Variants in PIGG observed in about 807,000 individuals in gnomAD.
PIGG encodes GPI ethanolamine phosphate transferase 2, catalytic subunit.
In PIGG, 70 loss-of-function variants were observed where a neutral mutation model predicts 83.2. That is an observed-to-expected ratio of 0.84 (90% CI 0.69 to 1.03). The LOEUF (loss-of-function observed/expected upper bound fraction) is 1.03, where lower values mean the gene tolerates loss of function less well. Among genes scored for constraint, PIGG ranks in the 50% least tolerant of loss-of-function variants. The pLI is 0.00. For synonymous variants in PIGG, 532 were observed against 519.5 expected, an observed-to-expected ratio of 1.02 and a Z score of -0.33; for missense variants, 1,257 against 1,233.6, an observed-to-expected ratio of 1.02 and a Z score of -0.28.
chr4:539,634 T>A lies in PIGG; in HGVS notation c.*265T>A. On this transcript the variant is annotated 3_prime_UTR_variant, in exon 13 of 13. Transcript: ENST00000453061. ...TGTGACCCAAATATGTGTGTTTAAA[T>A]CAATGAATGAAAAGGTTCTGGACTT... The A allele has an allele frequency of 2.7e-6, 1 of 368,278 alleles. No homozygotes were observed. The highest frequency in any genetic ancestry group is 3.9e-5 in the South Asian group (1 of 25,952). The allele number at this position is 368,278 out of a possible 1,614,324, so 22.8% of individuals were successfully genotyped here.
At position 528,606 on chromosome 4, in the gene PIGG, A is replaced by T; in HGVS notation, c.2261+1376A>T. 1 of 985,358 alleles carries T rather than the reference A, an allele frequency of 1.0e-6. No homozygotes were observed. Among genetic ancestry groups the T allele is most frequent in the Non-Finnish European group, 1.2e-6 (1 of 829,912 alleles). 61.0% of individuals were successfully genotyped at this position (985,358 alleles called of 1,614,324 possible). On this transcript the variant is annotated intron_variant, in intron 10 of 12. Coordinates refer to ENST00000453061, the MANE Select transcript of PIGG (RefSeq NM_001127178.3). The surrounding 1 kb of genome is among the most constrained non-coding windows in gnomAD (Gnocchi z 4.8). ...CAGGTACCAGCGGTGTTCTGTGGAG[A>T]TGTCTCAAAGGCTGTTGACTTTGGA...
Position 540,126 on chromosome 4 carries a change from T to A in PIGG, c.*757T>A, listed in dbSNP as rs1731660788. On this transcript the variant is annotated 3_prime_UTR_variant, in exon 13 of 13. Coordinates refer to ENST00000453061, the MANE Select transcript of PIGG (RefSeq NM_001127178.3). ...CTGCAGTGAGCCATGATTGTACCACTGTACTCCAGCCAGGACAACAGAGTG... is the reference window on the plus strand; with the variant it reads ...CTGCAGTGAGCCATGATTGTACCACAGTACTCCAGCCAGGACAACAGAGTG... 2.0e-5 allele frequency: 3 copies of A among 152,254 alleles called. No homozygotes were observed. The highest frequency in any genetic ancestry group is 2.0e-4 in the Admixed American group (3 of 15,290). The allele number at this position is 152,254 out of a possible 1,614,324, so 9.4% of individuals were successfully genotyped here.
rs561293197 is a variant in PIGG at position 500,423 on chromosome 4, C to G, written c.182C>G (p.Pro61Arg). 3.7e-6 allele frequency: 6 copies of G among 1,613,868 alleles called. No individual in the cohort carries two copies. The African/African-American group carries it at 8.0e-5, about 22-fold the overall frequency. Residue 61 changes from proline (P) to arginine (R), a missense_variant, in exon 2 of 13, where the codon CCA becomes CGA. By Grantham distance (103) the Pro-to-Arg change is moderately radical. Transcript: ENST00000453061. Reference sequence around the variant, plus strand: ...GCCAGTTCTAACTGGACCACGCTGCCACCACCTCTCTTCAGTAAAGTTGTT... The same window carrying G: ...GCCAGTTCTAACTGGACCACGCTGCGACCACCTCTCTTCAGTAAAGTTGTT... The part of the protein sequence containing the change: ...AGASSNWTTL[P>R]PPLFSKVVIV...
chr4:515,871 G>A lies in PIGG; in HGVS notation c.902-102G>A, dbSNP rs553207037. ...TCTGTGTTGAGTGGTGTGAAGAGAC[G>A]GATCATTTGGCTCATGTTAGTTGTA... On this transcript the variant is annotated intron_variant, in intron 5 of 12. Transcript: ENST00000453061. This position sits in a 1 kb window ranked among gnomAD's most constrained non-coding sequence, Gnocchi z 4.2. The A allele has an allele frequency of 6.9e-6, 6 of 867,524 alleles. No individual in the cohort carries two copies. Among genetic ancestry groups the A allele is most frequent in the Middle Eastern group, 2.2e-4 (1 of 4,510 alleles). 53.7% of individuals were successfully genotyped at this position (867,524 alleles called of 1,614,324 possible). A position where few individuals can be genotyped will look rare whatever the true frequency, so the allele number is the denominator to read the frequency against.
intron 6 of PIGG, among the ~76,000 whole-genome samples, chr4:518,794 A>G (rs903740441): frequency 3.9e-5 from 6 of 152,048 alleles, no homozygotes; most frequent in African/African-American, 1.2e-4. Flanking sequence ...CCCATTGTCT[A>G]CACCGTCGGG....
Position 523,647 on chromosome 4 carries a change from T to A in PIGG, c.1803T>A (p.Asp601Glu), listed in dbSNP as rs766704482. Residue 601 changes from aspartate (D) to glutamate (E), a missense_variant, in exon 9 of 13, where the codon GAT becomes GAA. Asp to Glu is a conservative substitution (Grantham distance 45, BLOSUM62 2). Transcript: ENST00000453061. ...QETYRNYFLG[D>E]DGEPPCGLCV... Reference sequence around the variant, plus strand: ...CCTACAGAAACTACTTTCTGGGAGATGACGGTGAGCCTCCGTGTGGCCTCT... The same window carrying A: ...CCTACAGAAACTACTTTCTGGGAGAAGACGGTGAGCCTCCGTGTGGCCTCT... 10 of 1,614,216 alleles carry A rather than the reference T, an allele frequency of 6.2e-6. No homozygotes were observed. In the South Asian group the frequency reaches 9.9e-5, roughly 16 times the overall value.
intron 12 of PIGG, among the ~76,000 whole-genome samples, chr4:535,559 C>T (rs1381014201): frequency 1.3e-5 from 2 of 151,464 alleles, no homozygotes; most frequent in Non-Finnish European, 2.9e-5. Flanking sequence ...AGGCCCCAGT[C>T]CTGCCGGGAG....
chr4:523,776 A>G lies in PIGG; in HGVS notation c.1932A>G (p.Glu644=), dbSNP rs1726756691. ...GCCACGGAAGCCCCTCTACCTCCGA[A>G]GTGCTCAGAGGCCGCGAGAAGTGGA... ...DKGHGSPSTS[E]VLRGREKWMV... is the part of the protein sequence containing the mutation. The change falls in exon 9 of 13, where the codon GAA becomes GAG. Residue 644 remains glutamate, a synonymous_variant. Coordinates refer to ENST00000453061, the MANE Select transcript of PIGG (RefSeq NM_001127178.3). 5 of 1,613,908 alleles carry G rather than the reference A, an allele frequency of 3.1e-6. No individual in the cohort carries two copies. The highest frequency in any genetic ancestry group is 2.2e-5 in the East Asian group (1 of 44,880).
At chr4:534,466 T>A (rs1309937074) in intron 12 of PIGG, among the ~76,000 whole-genome samples, 1 of 152,208 alleles carries the variant, frequency 6.6e-6, no homozygotes, top group Non-Finnish European at 1.5e-5. Flanking sequence ...TGAGTCGTCC[T>A]TGAGTAGCTA....
intron 4 of PIGG, among the ~76,000 whole-genome samples, chr4:508,235 C>T (rs1170631388): frequency 6.6e-6 from 1 of 152,190 alleles, no homozygotes. Flanking sequence ...GAGAAGCCTT[C>T]CCTGAAGACG....
rs562421394 is a variant in PIGG, at chr4:539,946, C to G, written c.*577C>G. The G allele has an allele frequency of 2.0e-5, 3 of 152,424 alleles. No homozygotes were observed. The highest frequency in any genetic ancestry group is 7.2e-5 in the African/African-American group (3 of 41,556). The allele number at this position is 152,424 out of a possible 1,614,324, so 9.4% of individuals were successfully genotyped here. On this transcript the variant is annotated 3_prime_UTR_variant, in exon 13 of 13. Coordinates refer to ENST00000453061, the MANE Select transcript of PIGG (RefSeq NM_001127178.3). The stretch of plus-strand genomic sequence containing the variant: ...TTGGGAGGCCAGAGTGGGGGTATCA[C>G]TTGAGCCCAGGTGTTTGAGATCAGC...
Position 508,828 on chromosome 4 carries a change from G to A in PIGG, c.760-1G>A. 6.2e-7 allele frequency: 1 copy of A among 1,613,948 alleles called. No homozygotes were observed. The highest frequency in any genetic ancestry group is 2.2e-5 in the East Asian group (1 of 44,882). The stretch of plus-strand genomic sequence containing the variant: ...TGAAATGTTTTTCCTTTGCCTTAAA[G>A]GAGAGAGAGACGCCTTTACCCAATT... On this transcript the variant is annotated splice_acceptor_variant, in intron 4 of 12. Coordinates refer to ENST00000453061, the MANE Select transcript of PIGG (RefSeq NM_001127178.3). LOFTEE classifies it high-confidence loss of function.
intron 11 of PIGG, chr4:531,259 GATCCAGCCTC>G (rs1219899691): frequency 5.9e-6 from 1 of 169,332 alleles, no homozygotes; most frequent in South Asian, 1.2e-4. Context: ...GCCTCAGAGG[GATCCAGCCTC>G]ATCCAGCCTC....
chr4:528,659 GATGTTAC>G lies in PIGG; in HGVS notation c.2261+1432_2261+1438del, dbSNP rs1322851393. On this transcript the variant is annotated intron_variant, in intron 10 of 12. Transcript: ENST00000453061. The surrounding 1 kb of genome is among the most constrained non-coding windows in gnomAD (Gnocchi z 4.8). The stretch of plus-strand genomic sequence containing the variant: ...CTGAGACTTAGGGCTCATCCAAATG[GATGTTAC>G]ATTTGCGGGTGTGTGTTTAAGGTGC... 3.0e-6 allele frequency: 3 copies of G among 984,336 alleles called. No homozygotes were observed. Among genetic ancestry groups the G allele is most frequent in the Non-Finnish European group, 3.6e-6 (3 of 829,080 alleles). The allele number at this position is 984,336 out of a possible 1,614,324, so 61.0% of individuals were successfully genotyped here. A position where few individuals can be genotyped will look rare whatever the true frequency, so the allele number is the denominator to read the frequency against.
At chr4:502,414 G>C (rs1424605197) in intron 2 of PIGG, 1 of 152,236 alleles carries the variant, frequency 6.6e-6, no homozygotes, top group African/African-American at 2.4e-5. Context: ...TGTTGGTTGA[G>C]GAAAGTGTCC....
intron 10 of PIGG, among the ~76,000 whole-genome samples, chr4:530,004 C>G (rs1728623354): frequency 6.6e-6 from 1 of 152,176 alleles, no homozygotes; most frequent in Admixed American, 6.5e-5. Context: ...GCAAATCCTT[C>G]TTTAAATCTG....
chr4:526,798 T>C (rs1316675478), intron 9 of PIGG, among the ~76,000 whole-genome samples: 1 of 151,960 alleles, frequency 6.6e-6, no homozygotes, highest in East Asian at 1.9e-4. Context: ...TCCTTCCGCA[T>C]TGGCATCCTA....
intron 12 of PIGG, among the ~76,000 whole-genome samples, chr4:538,142 C>G (rs115915672): frequency 6.7e-6 from 1 of 148,968 alleles, no homozygotes; most frequent in South Asian, 2.1e-4. Context: ...ACACACGTGC[C>G]GACAGGACTG....
At position 533,871 on chromosome 4, in the gene PIGG, A is replaced by C. The variant is rs765041883; in HGVS notation, c.2625A>C (p.Leu875Phe). The part of the protein sequence containing the change: ...TVDISAGFVG[L>F]DTYVEIPAVL... ...ACATCTCCGCAGGCTTCGTGGGCTT[A>C]GACACCTACGTGGAAATCCCAGCCG... The change falls in exon 12 of 13, where the codon TTA becomes TTC. Residue 875 changes from leucine (L) to phenylalanine (F), a missense_variant. Transcript: ENST00000453061. 2.5e-6 allele frequency: 4 copies of C among 1,614,038 alleles called. 1 individual carries two copies. The South Asian group carries it at 4.4e-5, about 18-fold the overall frequency.
Sources: allele counts gnomAD v4.1 joint callset (sites outside exome capture counted in the v4.1 genomes callset), GRCh38; gene constraint gnomAD v4.1.1; non-coding constraint Gnocchi (gnomAD v3.1); transcripts MANE v1.5; gene names NCBI Gene and HGNC (gene_info 2026-07-23, HGNC 2026-07-21).